The following KLHL29 variants were observed in gnomAD, a reference collection of about 807,000 sequenced individuals.
KLHL29 encodes kelch like family member 29, also known as kelch-like protein 29.
Under a neutral mutation model 80.4 loss-of-function variants are expected in KLHL29, and 21 were observed. The ratio of observed to expected loss-of-function variants is 0.26; its 90% CI spans 0.19 to 0.38. The LOEUF (loss-of-function observed/expected upper bound fraction) is 0.38, where lower values mean the gene tolerates loss of function less well. Among genes scored for constraint, KLHL29 ranks in the 10% least tolerant of loss-of-function variants. The probability of loss-of-function intolerance (pLI) is 1.00; values close to 1 mark genes in which losing one functional copy is unlikely to be tolerated. For missense variants in KLHL29, 867 were observed against 1,223.9 expected (o/e 0.71, Z 4.35); for synonymous variants, 511 against 526.8 (o/e 0.97, Z 0.41).
intron 2 of KLHL29, among the ~76,000 whole-genome samples, chr2:23,533,635 C>T (rs1431544302): frequency 2.6e-5 from 4 of 152,114 alleles, no homozygotes; most frequent in Non-Finnish European, 5.9e-5. Flanking sequence ...TGGGGTGCGG[C>T]GTTTGGGCTG....
At chr2:23,402,072 T>C (rs1258693483) in intron 1 of KLHL29, among the ~76,000 whole-genome samples, 2 of 152,172 alleles carry the variant, frequency 1.3e-5, no homozygotes, top group Non-Finnish European at 2.9e-5. Flanking sequence ...AGAATTACCA[T>C]ACCTGAGGCT....
chr2:23,661,146 G>A (rs1464007454), intron 5 of KLHL29, among the ~76,000 whole-genome samples: 1 of 152,176 alleles, frequency 6.6e-6, no homozygotes, highest in Non-Finnish European at 1.5e-5. Context: ...TTTAAGAGCA[G>A]CCTGGGAAAC....
At chr2:23,530,510 G>T (rs187749017) in intron 2 of KLHL29, among the ~76,000 whole-genome samples, 4 of 152,322 alleles carry the variant, frequency 2.6e-5, no homozygotes, top group African/African-American at 9.6e-5. Context: ...ACATGTTAGC[G>T]TTTTCCTACC....
chr2:23,616,137 C>T (rs1668997944), intron 3 of KLHL29, among the ~76,000 whole-genome samples: 1 of 152,148 alleles, frequency 6.6e-6, no homozygotes, highest in African/African-American at 2.4e-5. Flanking sequence ...CTGCCATGCT[C>T]CCCTAGTAGC....
chr2:23,487,868 A>G (rs1057061101), intron 2 of KLHL29, among the ~76,000 whole-genome samples: 1 of 152,224 alleles, frequency 6.6e-6, no homozygotes, highest in Non-Finnish European at 1.5e-5. Context: ...ATTGTCACAC[A>G]TCTGGAATGT....
At chr2:23,423,405 C>G (rs1662900090) in intron 1 of KLHL29, among the ~76,000 whole-genome samples, 1 of 152,232 alleles carries the variant, frequency 6.6e-6, no homozygotes, top group Non-Finnish European at 1.5e-5. Context: ...TGAGAGCTGC[C>G]CTGCGCGGGC....
intron 1 of KLHL29, among the ~76,000 whole-genome samples, chr2:23,435,899 CTTTTTT>C (rs769975340): frequency 4.4e-5 from 6 of 135,440 alleles, no homozygotes; most frequent in East Asian, 2.2e-4. Flanking sequence ...CTCTCTCTCT[CTTTTTT>C]TTTTTTTTTT....
intron 1 of KLHL29, among the ~76,000 whole-genome samples, chr2:23,423,206 C>T (rs1359381960): frequency 6.6e-6 from 1 of 152,198 alleles, no homozygotes; most frequent in Non-Finnish European, 1.5e-5. Context: ...TCCCTGCGAA[C>T]AGAAAAGCCT....
intron 2 of KLHL29, among the ~76,000 whole-genome samples, chr2:23,482,305 C>T (rs565573181): frequency 3.3e-5 from 5 of 152,318 alleles, no homozygotes; most frequent in Middle Eastern, 3.4e-3. Flanking sequence ...TTTATTTTTA[C>T]GGCAAAATTT....
rs761198298 is a variant in KLHL29, at chr2:23,708,228, G to A, written c.*1564G>A. ...CCACTTGGACAAGATACCGAGCTTCGTTATGCAGTTTTTAATATTATTTAT... is the reference window on the plus strand; with the variant it reads ...CCACTTGGACAAGATACCGAGCTTCATTATGCAGTTTTTAATATTATTTAT... On this transcript the variant is annotated 3_prime_UTR_variant, in exon 14 of 14. Coordinates refer to ENST00000486442, the MANE Select transcript of KLHL29 (RefSeq NM_052920.2). 1.3e-4 allele frequency: 20 copies of A among 152,150 alleles called. No individual in the cohort carries two copies. The highest frequency in any genetic ancestry group is 2.9e-4 in the African/African-American group (12 of 41,416). 9.4% of individuals were successfully genotyped at this position (152,150 alleles called of 1,614,324 possible). A position where few individuals can be genotyped will look rare whatever the true frequency, so the allele number is the denominator to read the frequency against.
intron 3 of KLHL29, among the ~76,000 whole-genome samples, chr2:23,599,548 A>G (rs1199061652): frequency 1.3e-5 from 2 of 151,210 alleles, no homozygotes; most frequent in Non-Finnish European, 2.9e-5. Flanking sequence ...TATATTTAAT[A>G]ATTTATCCTT....
intron 2 of KLHL29, among the ~76,000 whole-genome samples, chr2:23,500,770 C>G (rs1665414871): frequency 6.6e-6 from 1 of 152,190 alleles, no homozygotes; most frequent in Non-Finnish European, 1.5e-5. Flanking sequence ...ATTACTTTCC[C>G]TAACTCCTCA....
intron 3 of KLHL29, among the ~76,000 whole-genome samples, chr2:23,590,924 G>T (rs1049537269): frequency 6.6e-6 from 1 of 152,200 alleles, no homozygotes. Context: ...CGCCACAGAC[G>T]TCCCTGCCGC....
chr2:23,496,291 T>G (rs1233932037), intron 2 of KLHL29, among the ~76,000 whole-genome samples: 3 of 152,222 alleles, frequency 2.0e-5, no homozygotes, highest in African/African-American at 7.2e-5. Context: ...ATTTTCAGAA[T>G]AAGATATGTA....
intron 1 of KLHL29, among the ~76,000 whole-genome samples, chr2:23,429,770 AAG>A (rs920887849): frequency 1.3e-5 from 2 of 152,062 alleles, no homozygotes; most frequent in African/African-American, 2.4e-5. Flanking sequence ...AAAAAGAAAA[AAG>A]AAAAAAAAAA....
chr2:23,543,415 A>G (rs934374), intron 2 of KLHL29, among the ~76,000 whole-genome samples: 148,611 of 152,220 alleles, frequency 0.98, 72,580 homozygotes, highest in East Asian at 1. Flanking sequence ...GTAAAATGTC[A>G]TCATTCTTCA....
Position 23,504,148 on chromosome 2 carries a change from C to T in KLHL29, c.-46+28481C>T, listed in dbSNP as rs193203243. ...ATCAAGGGAAGAGAAGGTTATGCTT[C>T]GTATACTGTGTTCAGGGGCCAGATA... On this transcript the variant is annotated intron_variant, in intron 2 of 13. Coordinates refer to ENST00000486442, the MANE Select transcript of KLHL29 (RefSeq NM_052920.2). Among the ~76,000 whole-genome samples the T allele has an allele frequency of 1.1e-4, 16 of 152,204 alleles. No individual in the cohort carries two copies. In the East Asian group the frequency reaches 2.9e-3, roughly 28 times the overall value.
intron 2 of KLHL29, among the ~76,000 whole-genome samples, chr2:23,476,579 A>G (rs1472905199): frequency 1.3e-5 from 2 of 152,158 alleles, no homozygotes; most frequent in Non-Finnish European, 2.9e-5. Flanking sequence ...CTATATCACC[A>G]TTTTTACAGA....
At position 23,703,800 on chromosome 2, in the gene KLHL29, A is replaced by G; in HGVS notation, c.2381A>G (p.Tyr794Cys). 6.5e-7 allele frequency: 1 copy of G among 1,537,472 alleles called. No homozygotes were observed. The highest frequency in any genetic ancestry group is 8.7e-7 in the Non-Finnish European group (1 of 1,146,966). Residue 794 changes from tyrosine to cysteine, a missense_variant, in exon 13 of 14, where the codon TAC (tyrosine) becomes TGC (cysteine). Physicochemically the swap from Tyr to Cys is radical, Grantham distance 194. Around this residue, in one of 2 missense-constraint regions of KLHL29, gnomAD observed 443 missense variants for 767.0 expected, o/e 0.58. Coordinates refer to ENST00000486442, the MANE Select transcript of KLHL29 (RefSeq NM_052920.2). ...GCTTATGCCAGAGCTACCACCATCT[A>G]CGACCCTGAGAAAGGAAACATTAAG... ...GGAYARATTIYDPEKGNIKAG... is the reference protein window; with the variant it reads ...GGAYARATTICDPEKGNIKAG...
Sources: gnomAD v4.1 joint callset for allele counts (sites outside exome capture counted in the v4.1 genomes callset) on GRCh38, gnomAD v4.1.1 for gene constraint, gnomAD v4.1.1 regional missense constraint, MANE v1.5 for transcripts, NCBI Gene and HGNC (gene_info 2026-07-23, HGNC 2026-07-21) for gene names.